Variants in RREB1 observed in about 807,000 individuals in gnomAD.
RREB1 encodes the protein ras responsive element binding protein 1.
RREB1 carries 27 observed loss-of-function variants against 117.8 expected under a neutral mutation model. That is an observed-to-expected ratio of 0.23 (90% CI 0.17 to 0.32). The LOEUF is 0.32. Among genes scored for constraint, RREB1 ranks in the 10% least tolerant of loss-of-function variants. RREB1 has a pLI of 1.00. For synonymous variants in RREB1, 1,298 were observed against 1,026.7 expected (o/e 1.26, Z -5.05); for missense variants, 2,577 against 2,378.2 (o/e 1.08, Z -1.74).
At chr6:7,193,790 CCCATCACA>C (rs1176738660) in intron 6 of RREB1, among the ~76,000 whole-genome samples, 7 of 152,140 alleles carry the variant, frequency 4.6e-5, no homozygotes, top group African/African-American at 1.7e-4. Context: ...TTGACTGGGA[CCCATCACA>C]TGAAGTAAGG....
At chr6:7,183,991 T>C (rs956883637) in intron 4 of RREB1, 2 of 152,152 alleles carry the variant, frequency 1.3e-5, no homozygotes, top group Non-Finnish European at 2.9e-5. Flanking sequence ...TAGCTGCTAA[T>C]TTTATCTTTC....
At chr6:7,124,408 C>T (rs1362127919) in intron 1 of RREB1, among the ~76,000 whole-genome samples, 1 of 152,130 alleles carries the variant, frequency 6.6e-6, no homozygotes, top group African/African-American at 2.4e-5. Flanking sequence ...TTTGGAAGGG[C>T]TCATTTGGCC....
chr6:7,162,025 C>T (rs1331513368), intron 1 of RREB1, among the ~76,000 whole-genome samples: 3 of 152,230 alleles, frequency 2.0e-5, no homozygotes, highest in Middle Eastern at 3.4e-3. Context: ...TTAGATGGAA[C>T]CTTGAGCCCA....
chr6:7,200,271 TGTGTGTGTG>T (rs1765890437), intron 6 of RREB1, among the ~76,000 whole-genome samples: 1 of 122,062 alleles, frequency 8.2e-6, no homozygotes, highest in Admixed American at 7.4e-5. Context: ...TGTGTGTGTG[TGTGTGTGTG>T]TATTTTTTTT....
chr6:7,207,658 A>AT lies in RREB1; in HGVS notation c.426-3143dup, dbSNP rs375683065. 1.3e-3 allele frequency among the ~76,000 whole-genome samples: 201 copies of AT among 152,292 alleles called. 1 individual carries two copies. Among genetic ancestry groups the AT allele is most frequent in the African/African-American group, 4.5e-3 (188 of 41,562 alleles). ...ACTGGAGTTTGCATCTGGATCCAGC[A>AT]TTTCATGAAGGATACCTGTACGCTG... On this transcript the variant is annotated intron_variant, in intron 6 of 12. Transcript: ENST00000379938.
Position 7,229,435 on chromosome 6 carries a change from T to G in RREB1, c.1336T>G (p.Phe446Val), listed in dbSNP as rs1561793911. 6.2e-7 allele frequency: 1 copy of G among 1,614,168 alleles called. No individual in the cohort carries two copies. The highest frequency in any genetic ancestry group is 8.5e-7 in the Non-Finnish European group (1 of 1,180,030). Residue 446 changes from phenylalanine to valine, a missense_variant, in exon 10 of 13, where the codon TTC becomes GTC. By Grantham distance (50) the Phe-to-Val change is conservative (BLOSUM62 -1). Transcript: ENST00000379938. This position sits in a 1 kb window ranked among gnomAD's most constrained non-coding sequence, Gnocchi z 4.5. ...HLSLQPFQKG[F>V]IIQPDSSIVV... is the part of the protein sequence containing the mutation. ...GTCCCTGCAGCCCTTCCAGAAGGGC[T>G]TCATCATCCAGCCTGACAGCAGCAT...
chr6:7,211,007 C>T (rs1024127167), intron 7 of RREB1, 59 bp downstream of exon 7: 69 of 1,523,438 alleles, frequency 4.5e-5, no homozygotes, highest in Non-Finnish European at 5.9e-5. Context: ...AGAAATACCA[C>T]TAATCTTTAT....
intron 1 of RREB1, among the ~76,000 whole-genome samples, chr6:7,143,227 C>T (rs1479049096): frequency 6.6e-6 from 1 of 152,166 alleles, no homozygotes; most frequent in African/African-American, 2.4e-5. Context: ...CCCTGATGGG[C>T]CTTCAGCACT....
rs558531232 is a variant in RREB1 at position 7,134,786 on chromosome 6, T to C, written c.-285+26726T>C. 5.9e-5 allele frequency among the ~76,000 whole-genome samples: 9 copies of C among 152,344 alleles called. No individual in the cohort carries two copies. The South Asian group carries it at 1.7e-3, about 28-fold the overall frequency. On this transcript the variant is annotated intron_variant, in intron 1 of 12. Transcript: ENST00000379938. The stretch of plus-strand genomic sequence containing the variant: ...CCTAGAGGAAGACAGATCCTGCATA[T>C]GTAACCCTAAAGTCTAATGTCAGGA...
intron 1 of RREB1, among the ~76,000 whole-genome samples, chr6:7,160,791 A>G (rs1763622607): frequency 6.7e-6 from 1 of 149,226 alleles, no homozygotes; most frequent in South Asian, 2.1e-4. Flanking sequence ...GGTTCAAGCA[A>G]TTCTCCTGCC....
chr6:7,230,419 A>G lies in RREB1; in HGVS notation c.2320A>G (p.Thr774Ala). ...TCGTGCCCTGCGCATCCACATGCGCACGCACTGCGGCCGCGGCCTGGGCGG... is the reference window on the plus strand; with the variant it reads ...TCGTGCCCTGCGCATCCACATGCGCGCGCACTGCGGCCGCGGCCTGGGCGG... ...HYRALRIHMR[T>A]HCGRGLGGGH... is the part of the protein sequence containing the mutation. Residue 774 changes from threonine to alanine, a missense_variant, in exon 10 of 13, where the codon ACG becomes GCG. Physicochemically the swap from Thr to Ala is moderately conservative, Grantham distance 58. Coordinates refer to ENST00000379938, the MANE Select transcript of RREB1 (RefSeq NM_001003699.4). 1 of 1,591,826 alleles carries G rather than the reference A, an allele frequency of 6.3e-7. No homozygotes were observed. Among genetic ancestry groups the G allele is most frequent in the Non-Finnish European group, 8.5e-7 (1 of 1,174,954 alleles).
At chr6:7,199,329 A>G (rs1170000732) in intron 6 of RREB1, among the ~76,000 whole-genome samples, 1 of 152,238 alleles carries the variant, frequency 6.6e-6, no homozygotes, top group African/African-American at 2.4e-5. Context: ...TTAGGTGCTC[A>G]ACAAATTGTA....
Position 7,249,246 on chromosome 6 carries a change from A to G in RREB1, c.*278A>G, listed in dbSNP as rs769597416. 4 of 417,116 alleles carry G rather than the reference A, an allele frequency of 9.6e-6. No homozygotes were observed. Among genetic ancestry groups the G allele is most frequent in the Non-Finnish European group, 1.7e-5 (4 of 234,966 alleles). 25.8% of individuals were successfully genotyped at this position (417,116 alleles called of 1,614,324 possible). A position where few individuals can be genotyped will look rare whatever the true frequency, so the allele number is the denominator to read the frequency against. Reference sequence around the variant, plus strand: ...ATGGGTGTTGTATTTTTCCAAAATGACTTCTTAAACAAAACAAATATTATA... The same window carrying G: ...ATGGGTGTTGTATTTTTCCAAAATGGCTTCTTAAACAAAACAAATATTATA... On this transcript the variant is annotated 3_prime_UTR_variant, in exon 13 of 13. Coordinates refer to ENST00000379938, the MANE Select transcript of RREB1 (RefSeq NM_001003699.4).
chr6:7,218,620 T>TC (rs893056622), intron 8 of RREB1: 2 of 152,190 alleles, frequency 1.3e-5, no homozygotes, highest in African/African-American at 4.8e-5. Context: ...GATTGCAGAT[T>TC]CCCTTTTCAG....
chr6:7,129,320 G>A (rs1762061681), intron 1 of RREB1, among the ~76,000 whole-genome samples: 1 of 152,236 alleles, frequency 6.6e-6, no homozygotes, highest in Non-Finnish European at 1.5e-5. Context: ...GGATAGTGGG[G>A]CAAGGTGGAA....
chr6:7,219,616 CAG>C (rs1468792583), intron 8 of RREB1, among the ~76,000 whole-genome samples: 8 of 152,192 alleles, frequency 5.3e-5, no homozygotes, highest in Non-Finnish European at 1.0e-4. Context: ...CAGCAAGGGT[CAG>C]AGCCAGTATG....
intron 10 of RREB1, among the ~76,000 whole-genome samples, chr6:7,232,609 C>T (rs1479145553): frequency 6.6e-6 from 1 of 152,140 alleles, no homozygotes; most frequent in Non-Finnish European, 1.5e-5. Flanking sequence ...ACAACTCCTT[C>T]CTGAGCCCTT....
chr6:7,159,420 G>A (rs999985720), intron 1 of RREB1, among the ~76,000 whole-genome samples: 1 of 152,186 alleles, frequency 6.6e-6, no homozygotes, highest in Non-Finnish European at 1.5e-5. Flanking sequence ...CGGGACAGCC[G>A]CATAGATGGG....
At position 7,125,398 on chromosome 6, in the gene RREB1, A is replaced by G. The variant is rs115553447; in HGVS notation, c.-285+17338A>G. Reference sequence around the variant, plus strand: ...GTGGGAAATGTCCCAGAAGTGGAAGAGTGGGGCCTTGGACTCCAGGCTTCT... The same window carrying G: ...GTGGGAAATGTCCCAGAAGTGGAAGGGTGGGGCCTTGGACTCCAGGCTTCT... On this transcript the variant is annotated intron_variant, in intron 1 of 12. Transcript: ENST00000379938. Among the ~76,000 whole-genome samples, 811 of 152,290 alleles carry G rather than the reference A, an allele frequency of 5.3e-3. 8 individuals carry two copies. Among genetic ancestry groups the G allele is most frequent in the African/African-American group, 0.018 (765 of 41,564 alleles).
Sources: gnomAD v4.1 joint callset for allele counts (sites outside exome capture counted in the v4.1 genomes callset) on GRCh38, gnomAD v4.1.1 for gene constraint, Gnocchi (gnomAD v3.1) non-coding constraint, MANE v1.5 for transcripts, NCBI Gene and HGNC (gene_info 2026-07-23, HGNC 2026-07-21) for gene names.